The following LARP4B variants were observed in gnomAD, a reference collection of about 807,000 sequenced individuals.
LARP4B encodes the protein La ribonucleoprotein 4B.
A neutral mutation model predicts 89.8 loss-of-function variants in LARP4B; 12 were observed. The observed-to-expected ratio is 0.13, with a 90% CI of 0.09 to 0.22. The LOEUF is 0.22. Ranked by LOEUF, LARP4B falls within the 10% of genes least tolerant of loss-of-function variation. The pLI is 1.00. For missense variants in LARP4B, 757 were observed against 947.7 expected, an observed-to-expected ratio of 0.80 and a Z score of 2.64; for synonymous variants, 367 against 363.3, an observed-to-expected ratio of 1.01 and a Z score of -0.12.
the LARP4B span, among the ~76,000 whole-genome samples, chr10:955,143 C>T: frequency 6.6e-6 from 1 of 152,206 alleles, no homozygotes; most frequent in Non-Finnish European, 1.5e-5. The surrounding 1 kb of genome is among the most constrained non-coding windows in gnomAD (Gnocchi z 5.2). Context: ...CACAGCCACA[C>T]TCTCGGGCAG....
chr10:911,781 A>G (rs947231244), intron 1 of LARP4B, among the ~76,000 whole-genome samples: 2 of 152,038 alleles, frequency 1.3e-5, no homozygotes, highest in Non-Finnish European at 2.9e-5. Context: ...TGCGCTGTCC[A>G]ATTTCGTGGT....
At chr10:839,696 G>C (rs796524874) in intron 7 of LARP4B, among the ~76,000 whole-genome samples, 1 of 152,166 alleles carries the variant, frequency 6.6e-6, no homozygotes, top group Non-Finnish European at 1.5e-5. Context: ...TGCTGGTGGT[G>C]GCCAACCGTA....
the LARP4B span, among the ~76,000 whole-genome samples, chr10:961,829 G>A: frequency 1.1e-4 from 17 of 152,156 alleles, no homozygotes; most frequent in Admixed American, 5.2e-4. Context: ...GGATCCAGGG[G>A]CATAACCTGA....
chr10:959,471 CCGT>C, the LARP4B span, among the ~76,000 whole-genome samples: 1 of 58,738 alleles, frequency 1.7e-5, no homozygotes, highest in South Asian at 7.3e-4. Flanking sequence ...ATCCACCTCC[CCGT>C]CAACCACCTC....
At chr10:897,258 T>C (rs1409843208) in intron 1 of LARP4B, among the ~76,000 whole-genome samples, 1 of 152,196 alleles carries the variant, frequency 6.6e-6, no homozygotes, top group Middle Eastern at 3.2e-3. Context: ...CACAAAGGTG[T>C]CAAGACCAGT....
At chr10:864,093 G>C in intron 4 of LARP4B, 30 bp downstream of exon 4, 1 of 1,613,440 alleles carries the variant, frequency 6.2e-7, no homozygotes, top group Non-Finnish European at 8.5e-7. Flanking sequence ...GAAAGCAGGG[G>C]GCTGCACACC....
intron 3 of LARP4B, chr10:873,000 C>G (rs1319686387): frequency 1.0e-6 from 1 of 983,438 alleles, no homozygotes; most frequent in Non-Finnish European, 1.2e-6. Context: ...CGGTGAACCT[C>G]CTCACCTTTG....
intron 1 of LARP4B, among the ~76,000 whole-genome samples, chr10:907,893 C>A (rs1836537698): frequency 6.6e-6 from 1 of 152,164 alleles, no homozygotes. Context: ...AGCAATCATG[C>A]CTATGTAACG....
intron 6 of LARP4B, among the ~76,000 whole-genome samples, chr10:844,456 G>A (rs1255811088): frequency 6.6e-6 from 1 of 152,104 alleles, no homozygotes; most frequent in Admixed American, 6.5e-5. Context: ...AATCATCATC[G>A]ACAGAAAACC....
intron 1 of LARP4B, among the ~76,000 whole-genome samples, chr10:907,142 A>G (rs944300782): frequency 6.6e-6 from 1 of 152,186 alleles, no homozygotes; most frequent in African/African-American, 2.4e-5. Context: ...CCTCACTCCA[A>G]CACAAAAGTT....
Position 885,736 on chromosome 10 carries a change from G to A in LARP4B, c.-15C>T, listed in dbSNP as rs13360. 7.1e-4 allele frequency: 1,141 copies of A among 1,607,452 alleles called. 5 individuals carry two copies. The African/African-American group carries it at 0.011, about 16-fold the overall frequency. On this transcript the variant is annotated 5_prime_UTR_variant, in exon 2 of 18. Transcript: ENST00000316157. ...TCAGAAGTCATGGGCTCCACTGGGA[G>A]AAGTGTAATGCTAACCTCAGGATGC...
chr10:865,856 GC>G (rs1834871759), intron 3 of LARP4B, among the ~76,000 whole-genome samples: 1 of 152,192 alleles, frequency 6.6e-6, no homozygotes, highest in Non-Finnish European at 1.5e-5. Flanking sequence ...GGTCCCCGGT[GC>G]CCCTTGGAAT....
intron 1 of LARP4B, among the ~76,000 whole-genome samples, chr10:921,412 T>C (rs968098176): frequency 4.6e-5 from 7 of 152,256 alleles, no homozygotes; most frequent in African/African-American, 1.4e-4. Flanking sequence ...GTTATTTATG[T>C]TGAGCTGTAA....
the LARP4B span, among the ~76,000 whole-genome samples, chr10:965,441 C>G: frequency 2.0e-5 from 3 of 152,150 alleles, no homozygotes; most frequent in African/African-American, 4.8e-5. Flanking sequence ...CGCTCCCCCC[C>G]GTTTCTCGGT....
At chr10:919,756 C>A (rs1214915396) in intron 1 of LARP4B, among the ~76,000 whole-genome samples, 3 of 152,218 alleles carry the variant, frequency 2.0e-5, no homozygotes, top group Non-Finnish European at 4.4e-5. Flanking sequence ...CAAGACTGCA[C>A]ACAGACTCCT....
intron 1 of LARP4B, among the ~76,000 whole-genome samples, chr10:921,826 G>A (rs779355250): frequency 3.3e-5 from 5 of 152,274 alleles, no homozygotes; most frequent in Non-Finnish European, 4.4e-5. Context: ...TAAATTCATC[G>A]GTGTGTACAA....
In LARP4B at chr10:812,080, CA is replaced by C. The variant is rs1358032224; in HGVS notation, c.*845del. On this transcript the variant is annotated 3_prime_UTR_variant, in exon 18 of 18. Coordinates refer to ENST00000316157, the MANE Select transcript of LARP4B (RefSeq NM_015155.3). ...TCTCTCCAACCAGAGTGCTGGGGAA[CA>C]CGGACAGAAATGTGCACAGAGCAGG... The C allele has an allele frequency of 1.3e-5, 2 of 152,630 alleles. No homozygotes were observed. 9.5% of individuals were successfully genotyped at this position (152,630 alleles called of 1,614,324 possible). A position where few individuals can be genotyped will look rare whatever the true frequency, so the allele number is the denominator to read the frequency against.
chr10:896,618 T>C (rs1158288006), intron 1 of LARP4B, among the ~76,000 whole-genome samples: 1 of 152,218 alleles, frequency 6.6e-6, no homozygotes, highest in East Asian at 1.9e-4. Context: ...TTTGTTATTA[T>C]TAAAAATGTA....
At chr10:924,659 C>T (rs142835372) in intron 1 of LARP4B, among the ~76,000 whole-genome samples, 13 of 152,370 alleles carry the variant, frequency 8.5e-5, no homozygotes, top group African/African-American at 2.9e-4. Context: ...GGGCACTACA[C>T]AGGTAATTCT....
Sources: gnomAD v4.1 joint callset for allele counts (sites outside exome capture counted in the v4.1 genomes callset) on GRCh38, gnomAD v4.1.1 for gene constraint, Gnocchi (gnomAD v3.1) non-coding constraint, MANE v1.5 for transcripts, NCBI Gene and HGNC (gene_info 2026-07-23, HGNC 2026-07-21) for gene names.